The following ZCCHC14 variants were observed in gnomAD, a reference collection of about 807,000 sequenced individuals.
ZCCHC14 encodes zinc finger CCHC domain-containing protein 14.
In ZCCHC14, 16 loss-of-function variants were observed where a neutral mutation model predicts 85.0. The ratio of observed to expected loss-of-function variants is 0.19; its 90% CI spans 0.13 to 0.29. The LOEUF (loss-of-function observed/expected upper bound fraction) is 0.29, where lower values mean the gene tolerates loss of function less well. Among genes scored for constraint, ZCCHC14 ranks in the 10% least tolerant of loss-of-function variants. ZCCHC14 has a pLI of 1.00. For synonymous variants in ZCCHC14, 775 were observed against 630.7 expected (o/e 1.23, Z -3.43); for missense variants, 1,303 against 1,443.5 (o/e 0.90, Z 1.58).
intron 1 of ZCCHC14, among the ~76,000 whole-genome samples, chr16:87,468,905 C>T (rs1400802792): frequency 1.3e-5 from 2 of 152,330 alleles, no homozygotes; most frequent in East Asian, 1.9e-4. Flanking sequence ...ATATTGAGTA[C>T]TGCGTCTGCA....
intron 3 of ZCCHC14, among the ~76,000 whole-genome samples, chr16:87,428,835 C>A (rs527736154): frequency 6.6e-6 from 1 of 152,230 alleles, no homozygotes; most frequent in East Asian, 1.9e-4. Context: ...TCACACAACA[C>A]GAGATTCGTG....
In ZCCHC14 at chr16:87,420,522, C is replaced by G. The variant is rs116321256; in HGVS notation, c.950+85G>C. The G allele has an allele frequency of 9.0e-7, 1 of 1,107,152 alleles. No individual in the cohort carries two copies. The highest frequency in any genetic ancestry group is 1.6e-5 in the African/African-American group (1 of 63,416). 68.6% of individuals were successfully genotyped at this position (1,107,152 alleles called of 1,614,324 possible). A position where few individuals can be genotyped will look rare whatever the true frequency, so the allele number is the denominator to read the frequency against. On this transcript the variant is annotated intron_variant, in intron 5 of 12. Transcript: ENST00000671377. This position sits in a 1 kb window ranked among gnomAD's most constrained non-coding sequence, Gnocchi z 5.0. ...CAGGTGACCGCGCATCCTCCCAGAGCTCCTTGGAGGACCACAGCATTGACC... is the reference window on the plus strand; with the variant it reads ...CAGGTGACCGCGCATCCTCCCAGAGGTCCTTGGAGGACCACAGCATTGACC...
At chr16:87,486,434 G>A (rs1035686227) in intron 1 of ZCCHC14, among the ~76,000 whole-genome samples, 1 of 152,220 alleles carries the variant, frequency 6.6e-6, no homozygotes, top group Non-Finnish European at 1.5e-5. Flanking sequence ...TACAGCCGAG[G>A]AGCAACAGGC....
At position 87,420,211 on chromosome 16, in the gene ZCCHC14, G is replaced by A. The variant is rs1909020577; in HGVS notation, c.951-334C>T. On this transcript the variant is annotated intron_variant, in intron 5 of 12. Transcript: ENST00000671377. The surrounding 1 kb of genome is among the most constrained non-coding windows in gnomAD (Gnocchi z 5.0). ...CCGGCAGCAGCACATTTACGGAACT[G>A]GTCGGCCATGTTACTTCGTGTGCCA... Among the ~76,000 whole-genome samples the A allele has an allele frequency of 6.6e-6, 1 of 152,214 alleles. No individual in the cohort carries two copies. The highest frequency in any genetic ancestry group is 2.4e-5 in the African/African-American group (1 of 41,442).
At chr16:87,474,648 C>A (rs760009446) in intron 1 of ZCCHC14, among the ~76,000 whole-genome samples, 1 of 152,142 alleles carries the variant, frequency 6.6e-6, no homozygotes, top group East Asian at 1.9e-4. Flanking sequence ...TGGGGCAGAA[C>A]CTGGTCCTCC....
intron 8 of ZCCHC14, among the ~76,000 whole-genome samples, chr16:87,417,156 G>A (rs1016614756): frequency 6.6e-6 from 1 of 152,216 alleles, no homozygotes. Flanking sequence ...CCGTGCCAGA[G>A]CTCAGGATTT....
At position 87,419,809 on chromosome 16, in the gene ZCCHC14, G is replaced by C. The variant is rs764022340; in HGVS notation, c.1019C>G (p.Ser340Cys). 2 of 1,611,574 alleles carry C rather than the reference G, an allele frequency of 1.2e-6. No individual in the cohort carries two copies. Among genetic ancestry groups the C allele is most frequent in the South Asian group, 1.1e-5 (1 of 90,414 alleles). Residue 340 changes from serine (S) to cysteine (C), a missense_variant, in exon 6 of 13, where the codon TCT (serine) becomes TGT (cysteine). Around this residue, in one of 7 missense-constraint regions of ZCCHC14, gnomAD observed 389 missense variants for 397.8 expected, o/e 0.98. Coordinates refer to ENST00000671377, the MANE Select transcript of ZCCHC14 (RefSeq NM_015144.3). ...DHVRRFLSTS[S>C]PPQQLQSPSP... ...TGGACTCTGAAGCTGCTGTGGGGGA[G>C]AGGAAGTGCTGAGAAACCTCCTGAC...
Position 87,411,511 on chromosome 16 carries a change from C to T in ZCCHC14, c.3205+5G>A. On this transcript the variant is annotated splice_donor_5th_base_variant and intron_variant, in intron 12 of 12. Transcript: ENST00000671377. Reference sequence around the variant, plus strand: ...CTGGTGGGCGCGGCCATGGCGCGCGCTTACCTGGCCGGTTGAAGTCCATGG... The same window carrying T: ...CTGGTGGGCGCGGCCATGGCGCGCGTTTACCTGGCCGGTTGAAGTCCATGG... The T allele has an allele frequency of 1.2e-6, 2 of 1,613,314 alleles. No individual in the cohort carries two copies. Among genetic ancestry groups the T allele is most frequent in the Non-Finnish European group, 1.7e-6 (2 of 1,179,992 alleles).
chr16:87,413,807 C>G (rs1419869407), intron 10 of ZCCHC14, among the ~76,000 whole-genome samples: 3 of 149,790 alleles, frequency 2.0e-5, no homozygotes, highest in Non-Finnish European at 4.4e-5. Context: ...CCTCTGGGCA[C>G]CAGTCCTGGG....
At chr16:87,422,641 C>T (rs1909162473) in intron 4 of ZCCHC14, among the ~76,000 whole-genome samples, 1 of 150,766 alleles carries the variant, frequency 6.6e-6, no homozygotes, top group Non-Finnish European at 1.5e-5. Context: ...GAGACTAAGG[C>T]AGGAGAATTG....
chr16:87,412,513 T>A lies in ZCCHC14; in HGVS notation c.2208A>T (p.Ala736=). Residue 736 remains alanine (A), a synonymous_variant, in exon 12 of 13, where the codon GCA becomes GCT. Transcript: ENST00000671377. ...SFGPRTKVVH[A]STLDRVLKTA... Reference sequence around the variant, plus strand: ...TCTTCAGCACCCTGTCCAGCGTGGATGCATGCACGACTTTGGTCCGGGGAC... The same window carrying A: ...TCTTCAGCACCCTGTCCAGCGTGGAAGCATGCACGACTTTGGTCCGGGGAC... 1 of 1,614,042 alleles carries A rather than the reference T, an allele frequency of 6.2e-7. No individual in the cohort carries two copies. Among genetic ancestry groups the A allele is most frequent in the Non-Finnish European group, 8.5e-7 (1 of 1,180,016 alleles).
chr16:87,485,513 T>C (rs1912474458), intron 1 of ZCCHC14, among the ~76,000 whole-genome samples: 1 of 149,842 alleles, frequency 6.7e-6, no homozygotes, highest in African/African-American at 2.5e-5. Context: ...TTCAATAATG[T>C]ACCCTAATTA....
At chr16:87,468,463 C>CA (rs71156233) in intron 1 of ZCCHC14, among the ~76,000 whole-genome samples, 43,338 of 145,236 alleles carry the variant, frequency 0.3, 9,402 homozygotes, top group African/African-American at 0.6. Flanking sequence ...ATTACATAGT[C>CA]AAAAAAAAAA....
At position 87,470,285 on chromosome 16, in the gene ZCCHC14, G is replaced by C. The variant is rs1911719306; in HGVS notation, c.571-10154C>G. 3 of 152,106 alleles carry C rather than the reference G, an allele frequency of 2.0e-5. No individual in the cohort carries two copies. The South Asian group carries it at 6.2e-4, about 32-fold the overall frequency. 9.4% of individuals were successfully genotyped at this position (152,106 alleles called of 1,614,324 possible). A position where few individuals can be genotyped will look rare whatever the true frequency, so the allele number is the denominator to read the frequency against. On this transcript the variant is annotated intron_variant, in intron 1 of 12. Coordinates refer to ENST00000671377, the MANE Select transcript of ZCCHC14 (RefSeq NM_015144.3). The stretch of plus-strand genomic sequence containing the variant: ...GTTGAGGCTGCAATGAGCTATGATT[G>C]CATCACCGCACTCCAACCTGGGAGA...
chr16:87,467,045 G>T (rs67036740), intron 1 of ZCCHC14: 31 of 279,548 alleles, frequency 1.1e-4, no homozygotes, highest in African/African-American at 4.0e-4. Context: ...AAAAAAAATT[G>T]TTTTTTTTTT....
chr16:87,421,305 T>C (rs1420846898), intron 4 of ZCCHC14, among the ~76,000 whole-genome samples: 1 of 151,992 alleles, frequency 6.6e-6, no homozygotes, highest in African/African-American at 2.4e-5. Context: ...GGGACAAAAA[T>C]TGCTCCTGGC....
intron 1 of ZCCHC14, among the ~76,000 whole-genome samples, chr16:87,483,304 CA>C (rs56708958): frequency 2.1e-4 from 9 of 43,660 alleles, no homozygotes; most frequent in African/African-American, 6.8e-4. Context: ...CTAAAAATAC[CA>C]AAAAAAAAAA....
chr16:87,485,960 C>T (rs1912497853), intron 1 of ZCCHC14, among the ~76,000 whole-genome samples: 1 of 152,126 alleles, frequency 6.6e-6, no homozygotes, highest in African/African-American at 2.4e-5. Context: ...CAAATGATAC[C>T]ATCGTATTAC....
At chr16:87,439,928 C>A (rs1276403099) in intron 2 of ZCCHC14, among the ~76,000 whole-genome samples, 3 of 152,170 alleles carry the variant, frequency 2.0e-5, no homozygotes, top group African/African-American at 7.2e-5. Flanking sequence ...TTAAAACGAA[C>A]CAAACATTTT....
Sources: allele counts gnomAD v4.1 joint callset (sites outside exome capture counted in the v4.1 genomes callset), GRCh38; gene constraint gnomAD v4.1.1; regional missense constraint gnomAD v4.1.1; non-coding constraint Gnocchi (gnomAD v3.1); transcripts MANE v1.5; gene names NCBI Gene and HGNC (gene_info 2026-07-23, HGNC 2026-07-21).